NR1D1: variants seen among roughly 807,000 people sequenced by gnomAD.
The protein encoded by NR1D1 is nuclear receptor subfamily 1 group D member 1, also known as Rev-ErbAalpha.
NR1D1 carries 17 observed loss-of-function variants against 51.1 expected under a neutral mutation model. That is an observed-to-expected ratio of 0.33 (90% confidence interval 0.23 to 0.50). The LOEUF (loss-of-function observed/expected upper bound fraction) is 0.50. Among genes scored for constraint, NR1D1 ranks in the 20% least tolerant of loss-of-function variants. The pLI, the probability that NR1D1 is intolerant of heterozygous loss-of-function variation, is 0.98. For missense variants in NR1D1, 647 were observed against 830.4 expected, an observed-to-expected ratio of 0.78 and a Z score of 2.71; for synonymous variants, 341 against 333.4, an observed-to-expected ratio of 1.02 and a Z score of -0.25.
At chr17:40,094,221 A>C in intron 6 of NR1D1, 99 bp from the exon 7 acceptor site, 1 of 1,046,106 alleles carries the variant, frequency 9.6e-7, no homozygotes, top group Non-Finnish European at 1.5e-6. Context: ...GCTGCCTTCG[A>C]TTTCTCAGTA....
chr17:40,092,835 C>CA lies in NR1D1; in HGVS notation c.*247dup, dbSNP rs892660143. 1.2e-5 allele frequency: 10 copies of CA among 835,554 alleles called. No individual in the cohort carries two copies. The highest frequency in any genetic ancestry group is 1.1e-4 in the African/African-American group (6 of 56,974). The allele number at this position is 835,554 out of a possible 1,614,324, so 51.8% of individuals were successfully genotyped here. On this transcript the variant is annotated 3_prime_UTR_variant, in exon 8 of 8. Transcript: ENST00000246672. ...GATTTGAGACAGGAACAGAACAAAT[C>CA]AGAGGGCCAGGGGAGGGTTGTGGGG...
intron 6 of NR1D1, 62 bp from the exon 7 acceptor site, chr17:40,094,184 C>T (rs1987697943): frequency 1.1e-5 from 16 of 1,493,114 alleles, no homozygotes; most frequent in Non-Finnish European, 1.4e-5. Flanking sequence ...CAAATCGCCC[C>T]TGTAGTTTGC....
In NR1D1 at chr17:40,093,218, A is replaced by G. The variant is rs776855858; in HGVS notation, c.1710T>C (p.Leu570=). 2 of 1,613,702 alleles carry G rather than the reference A, an allele frequency of 1.2e-6. No homozygotes were observed. Among genetic ancestry groups the G allele is most frequent in the Admixed American group, 3.3e-5 (2 of 60,026 alleles). ...GCCGGTTCTTCAGCACCAGAGCCCG[A>G]AGAGCCCGCAGCAGCGTCTCCTGGA... The part of the protein sequence containing the change: ...EQLQETLLRA[L]RALVLKNRPL... The change falls in exon 8 of 8, where the codon CTT becomes CTC. Residue 570 remains leucine, a synonymous_variant. Coordinates refer to ENST00000246672, the MANE Select transcript of NR1D1 (RefSeq NM_021724.5). This position sits in a 1 kb window ranked among gnomAD's most constrained non-coding sequence, Gnocchi z 5.9.
Position 40,094,042 on chromosome 17 carries a change from C to T in NR1D1, c.1515G>A (p.Leu505=), listed in dbSNP as rs770600237. The T allele has an allele frequency of 6.2e-7, 1 of 1,614,056 alleles. No homozygotes were observed. The highest frequency in any genetic ancestry group is 8.5e-7 in the Non-Finnish European group (1 of 1,179,998). ...VMFLSRTTYS[L]QELGAMGMGD... Reference sequence around the variant, plus strand: ...CCATGCCCATGGCACCAAGCTCCTGCAGGCTGTAGGTGGTGCGGCTTAGGA... The same window carrying T: ...CCATGCCCATGGCACCAAGCTCCTGTAGGCTGTAGGTGGTGCGGCTTAGGA... Residue 505 remains leucine, a synonymous_variant, in exon 7 of 8, where the codon CTG becomes CTA. Coordinates refer to ENST00000246672, the MANE Select transcript of NR1D1 (RefSeq NM_021724.5).
rs757956089 is a variant in NR1D1 at position 40,093,100 on chromosome 17, G to A, written c.1828C>T (p.Arg610Trp). 32 of 1,613,996 alleles carry A rather than the reference G, an allele frequency of 2.0e-5. No homozygotes were observed. Among genetic ancestry groups the A allele is most frequent in the Admixed American group, 8.3e-5 (5 of 60,014 alleles). Residue 610 changes from arginine to tryptophan, a missense_variant, in exon 8 of 8, where the codon CGG becomes TGG. This residue lies in a region of NR1D1 where 155 missense variants were observed against 236.8 expected (regional missense o/e 0.65). Coordinates refer to ENST00000246672, the MANE Select transcript of NR1D1 (RefSeq NM_021724.5). This position sits in a 1 kb window ranked among gnomAD's most constrained non-coding sequence, Gnocchi z 5.9. The part of the protein sequence containing the change: ...NMHSEKLLSF[R>W]VDAQ ...CGGGCGGGTCACTGGGCGTCCACCCGGAAGGACAGCAGCTTCTCGGAATGC... is the reference window on the plus strand; with the variant it reads ...CGGGCGGGTCACTGGGCGTCCACCCAGAAGGACAGCAGCTTCTCGGAATGC...
chr17:40,096,070 T>C lies in NR1D1; in HGVS notation c.622A>G (p.Ile208Val). ...ATCCGCTGCTTCTCTCGTTTGGGGA[T>C]GCGCCCAAAACGCACAGCTGCAACA... ...MSRDAVRFGR[I>V]PKREKQRMLA... Residue 208 changes from isoleucine (I) to valine (V), a missense_variant, in exon 5 of 8, where the codon ATC becomes GTC. Physicochemically the swap from Ile to Val is conservative, Grantham distance 29. Around this residue, in one of 7 missense-constraint regions of NR1D1, gnomAD observed 70 missense variants for 134.8 expected, o/e 0.52. Coordinates refer to ENST00000246672, the MANE Select transcript of NR1D1 (RefSeq NM_021724.5). 2 of 1,612,646 alleles carry C rather than the reference T, an allele frequency of 1.2e-6. No individual in the cohort carries two copies. The highest frequency in any genetic ancestry group is 1.3e-5 in the African/African-American group (1 of 75,016).
intron 6 of NR1D1, 63 bp from the exon 7 acceptor site, chr17:40,094,185 T>C: frequency 1.3e-6 from 2 of 1,492,284 alleles, no homozygotes; most frequent in Non-Finnish European, 1.9e-6. Context: ...AAATCGCCCC[T>C]GTAGTTTGCC....
In NR1D1 at chr17:40,093,149, C is replaced by T. The variant is rs780833477; in HGVS notation, c.1779G>A (p.Pro593=). 34 of 1,613,898 alleles carry T rather than the reference C, an allele frequency of 2.1e-5. No homozygotes were observed. The highest frequency in any genetic ancestry group is 5.3e-5 in the African/African-American group (4 of 74,898). ...SRFTKLLLKL[P]DLRTLNNMHS... is the part of the protein sequence containing the mutation. The stretch of plus-strand genomic sequence containing the variant: ...GCATGTTGTTCAGGGTCCGCAGGTC[C>T]GGCAGCTTGAGCAGCAGCTTGGTGA... The change falls in exon 8 of 8, where the codon CCG becomes CCA. Residue 593 remains proline (P), a synonymous_variant. Transcript: ENST00000246672. The surrounding 1 kb of genome is among the most constrained non-coding windows in gnomAD (Gnocchi z 5.9).
rs1987671215 is a variant in NR1D1 at position 40,093,510 on chromosome 17, G to GT, written c.1646-229dup. On this transcript the variant is annotated intron_variant, in intron 7 of 7. Transcript: ENST00000246672. The surrounding 1 kb of genome is among the most constrained non-coding windows in gnomAD (Gnocchi z 5.9). Reference sequence around the variant, plus strand: ...AGCAGGGCTGGTCACCTCCCATCCCGTAAGACCACCTTCCCTTCCTCAGCA... The same window carrying GT: ...AGCAGGGCTGGTCACCTCCCATCCCGTTAAGACCACCTTCCCTTCCTCAGCA... The GT allele has an allele frequency of 2.2e-6, 3 of 1,383,394 alleles. No individual in the cohort carries two copies. In the East Asian group the frequency reaches 7.5e-5, roughly 35 times the overall value. 85.7% of individuals were successfully genotyped at this position (1,383,394 alleles called of 1,614,324 possible).
At chr17:40,095,220 C>T in intron 5 of NR1D1, 100 bp from the exon 6 acceptor site, 7 of 1,293,376 alleles carry the variant, frequency 5.4e-6, no homozygotes, top group Non-Finnish European at 7.4e-6. Context: ...GGGCTAGGGG[C>T]TGTGGCCCTG....
Position 40,100,532 on chromosome 17 carries a change from T to G in NR1D1, c.-438A>C. 1 of 444,714 alleles carries G rather than the reference T, an allele frequency of 2.2e-6. No individual in the cohort carries two copies. Among genetic ancestry groups the G allele is most frequent in the Non-Finnish European group, 4.0e-6 (1 of 251,422 alleles). The allele number at this position is 444,714 out of a possible 1,614,324, so 27.5% of individuals were successfully genotyped here. On this transcript the variant is annotated 5_prime_UTR_variant, in exon 1 of 8. Coordinates refer to ENST00000246672, the MANE Select transcript of NR1D1 (RefSeq NM_021724.5). ...TGATGGGGAGAAACGGGGCACCGAG[T>G]CGCAAAGAGGCGAGACGTGTGCCCT...
chr17:40,099,015 A>C (rs200897867), intron 1 of NR1D1, among the ~76,000 whole-genome samples: 1 of 94,106 alleles, frequency 1.1e-5, no homozygotes, highest in Non-Finnish European at 2.2e-5. Context: ...GTGATGGGGG[A>C]GGGGGCCGGG....
rs1015041060 is a variant in NR1D1, at chr17:40,100,190, G to C, written c.-96C>G. On this transcript the variant is annotated 5_prime_UTR_variant, in exon 1 of 8. Transcript: ENST00000246672. Reference sequence around the variant, plus strand: ...TGCCCCCTGGGCACTGGCTAAGGGCGGGGAGTGGACCCCGCGACTCACGAT... The same window carrying C: ...TGCCCCCTGGGCACTGGCTAAGGGCCGGGAGTGGACCCCGCGACTCACGAT... The C allele has an allele frequency of 3.1e-6, 3 of 966,786 alleles. No individual in the cohort carries two copies. The African/African-American group carries it at 4.8e-5, about 15-fold the overall frequency. 59.9% of individuals were successfully genotyped at this position (966,786 alleles called of 1,614,324 possible). A position where few individuals can be genotyped will look rare whatever the true frequency, so the allele number is the denominator to read the frequency against.
In NR1D1 at chr17:40,094,916, A is replaced by G. The variant is rs762693001; in HGVS notation, c.1434+19T>C. The G allele has an allele frequency of 2.3e-5, 37 of 1,610,072 alleles. 2 individuals carry two copies. In the Middle Eastern group the frequency reaches 1.2e-3, roughly 50 times the overall value. Reference sequence around the variant, plus strand: ...TGTCTCAAAAAAAACAAAAACCAGAAGCATAAACGGTCACTCACCTCAAAG... The same window carrying G: ...TGTCTCAAAAAAAACAAAAACCAGAGGCATAAACGGTCACTCACCTCAAAG... On this transcript the variant is annotated intron_variant, in intron 6 of 7. Transcript: ENST00000246672.
chr17:40,093,484 C>G lies in NR1D1; in HGVS notation c.1646-202G>C. 1 of 1,469,864 alleles carries G rather than the reference C, an allele frequency of 6.8e-7. No individual in the cohort carries two copies. The highest frequency in any genetic ancestry group is 9.0e-7 in the Non-Finnish European group (1 of 1,107,174). The allele number at this position is 1,469,864 out of a possible 1,614,324, so 91.1% of individuals were successfully genotyped here. ...TGCCTGAAAGCTGGGAGCGTGGGCT[C>G]AGCAGGGCTGGTCACCTCCCATCCC... On this transcript the variant is annotated intron_variant, in intron 7 of 7. Transcript: ENST00000246672. This position sits in a 1 kb window ranked among gnomAD's most constrained non-coding sequence, Gnocchi z 5.9.
rs1471852320 is a variant in NR1D1, at chr17:40,093,167, C to G, written c.1761G>C (p.Lys587Asn). 1.2e-6 allele frequency: 2 copies of G among 1,613,898 alleles called. No homozygotes were observed. Among genetic ancestry groups the G allele is most frequent in the Non-Finnish European group, 1.7e-6 (2 of 1,180,020 alleles). ...NRPLETSRFT[K>N]LLLKLPDLRT... ...GCAGGTCCGGCAGCTTGAGCAGCAGCTTGGTGAAGCGGGAAGTCTCCAAGG... is the reference window on the plus strand; with the variant it reads ...GCAGGTCCGGCAGCTTGAGCAGCAGGTTGGTGAAGCGGGAAGTCTCCAAGG... Residue 587 changes from lysine (K) to asparagine (N), a missense_variant, in exon 8 of 8, where the codon AAG becomes AAC. Lys to Asn is a moderately conservative substitution (Grantham distance 94). Around this residue, in one of 7 missense-constraint regions of NR1D1, gnomAD observed 155 missense variants for 236.8 expected, o/e 0.65. Transcript: ENST00000246672. This position sits in a 1 kb window ranked among gnomAD's most constrained non-coding sequence, Gnocchi z 5.9.
In NR1D1 at chr17:40,095,716, T is replaced by G. The variant is rs892923918; in HGVS notation, c.976A>C (p.Thr326Pro). ...ANHASGSPPA[T>P]TPHRWENQGC... ...TGATTTTCCCAGCGATGTGGGGTGG[T>G]GGCTGGAGGGCTACCTGATGCATGG... Residue 326 changes from threonine to proline, a missense_variant, in exon 5 of 8, where the codon ACC (threonine) becomes CCC (proline). By Grantham distance (38) the Thr-to-Pro change is conservative (BLOSUM62 -1). Coordinates refer to ENST00000246672, the MANE Select transcript of NR1D1 (RefSeq NM_021724.5). 2 of 1,613,694 alleles carry G rather than the reference T, an allele frequency of 1.2e-6. No individual in the cohort carries two copies. The highest frequency in any genetic ancestry group is 1.7e-6 in the Non-Finnish European group (2 of 1,179,726).
chr17:40,096,207 C>G, intron 4 of NR1D1, 120 bp from the exon 5 acceptor site: 1 of 1,413,800 alleles, frequency 7.1e-7, no homozygotes, highest in South Asian at 1.4e-5. Flanking sequence ...AAAACTAAAA[C>G]CAGCAAGTCC....
At chr17:40,099,418 G>A (rs748891300) in intron 1 of NR1D1, among the ~76,000 whole-genome samples, 1 of 152,334 alleles carries the variant, frequency 6.6e-6, no homozygotes, top group Admixed American at 6.5e-5. Context: ...CACGGCTTCT[G>A]CTGAATGAAA....
Sources: gnomAD v4.1 joint callset for allele counts (sites outside exome capture counted in the v4.1 genomes callset) on GRCh38, gnomAD v4.1.1 for gene constraint, gnomAD v4.1.1 regional missense constraint, Gnocchi (gnomAD v3.1) non-coding constraint, MANE v1.5 for transcripts, NCBI Gene and HGNC (gene_info 2026-07-23, HGNC 2026-07-21) for gene names.